Variants in APLF observed in about 807,000 individuals in gnomAD.
APLF encodes the protein aprataxin and PNK-like factor.
Under a neutral mutation model 55.6 loss-of-function variants are expected in APLF, and 61 were observed. That is an observed-to-expected ratio of 1.10 (90% CI 0.89 to 1.36). The LOEUF is 1.36. Ranked by LOEUF, APLF falls within the 40% of genes most tolerant of loss-of-function variation. APLF has a pLI of 0.00. For missense variants in APLF, 611 were observed against 602.5 expected (o/e 1.01, Z -0.15); for synonymous variants, 207 against 214.8 (o/e 0.96, Z 0.32).
At chr2:68,496,445 G>A (rs1485868266) in intron 2 of APLF, among the ~76,000 whole-genome samples, 2 of 152,022 alleles carry the variant, frequency 1.3e-5, no homozygotes, top group African/African-American at 4.8e-5. Context: ...TCTAGCAAGT[G>A]GTTGCTTCAC....
chr2:68,500,522 C>T (rs773612819), intron 2 of APLF, among the ~76,000 whole-genome samples: 1 of 152,120 alleles, frequency 6.6e-6, no homozygotes, highest in African/African-American at 2.4e-5. Context: ...CAATGTTATG[C>T]CTTTGTATTT....
At chr2:68,572,083 C>T (rs1198644539) in intron 9 of APLF, among the ~76,000 whole-genome samples, 1 of 139,868 alleles carries the variant, frequency 7.1e-6, no homozygotes, top group African/African-American at 3.2e-5. Flanking sequence ...ACTAAAAGAT[C>T]CAGAAAGAAA....
intron 3 of APLF, among the ~76,000 whole-genome samples, chr2:68,505,165 TC>T (rs1228235088): frequency 3.0e-4 from 45 of 152,066 alleles, no homozygotes; most frequent in African/African-American, 8.7e-4. Context: ...AAAGTACATG[TC>T]TTTTTCTCTT....
chr2:68,533,275 C>A (rs961221326), intron 6 of APLF, among the ~76,000 whole-genome samples: 1 of 152,154 alleles, frequency 6.6e-6, no homozygotes, highest in South Asian at 2.1e-4. Flanking sequence ...TATAAATTTT[C>A]AAGTTTGTGA....
chr2:68,528,500 G>A (rs1167333782), intron 6 of APLF: 4 of 1,533,898 alleles, frequency 2.6e-6, no homozygotes, highest in Non-Finnish European at 2.6e-6. Flanking sequence ...TCTTTTGCGG[G>A]ACCTGTGGCC....
At chr2:68,560,627 A>G (rs1463132033) in intron 8 of APLF, among the ~76,000 whole-genome samples, 1 of 152,124 alleles carries the variant, frequency 6.6e-6, no homozygotes, top group Non-Finnish European at 1.5e-5. Flanking sequence ...GCTCACAAAA[A>G]TCTGATGTGG....
intron 1 of APLF, among the ~76,000 whole-genome samples, chr2:68,486,927 A>G (rs1362459293): frequency 6.6e-6 from 1 of 152,112 alleles, no homozygotes; most frequent in Non-Finnish European, 1.5e-5. Flanking sequence ...AATTTATGCC[A>G]TTTGTCCTAC....
chr2:68,506,699 A>G (rs190435968), intron 3 of APLF, among the ~76,000 whole-genome samples: 36 of 152,112 alleles, frequency 2.4e-4, no homozygotes, highest in Admixed American at 2.0e-3. Flanking sequence ...TCCAGAGTTG[A>G]TGCTCTTACT....
intron 5 of APLF, among the ~76,000 whole-genome samples, chr2:68,519,799 A>G (rs952860931): frequency 1.3e-5 from 2 of 151,494 alleles, no homozygotes; most frequent in Non-Finnish European, 3.0e-5. Context: ...TGTCTTTTTC[A>G]TGTAATGACT....
At chr2:68,477,031 T>C (rs918830341) in intron 1 of APLF, among the ~76,000 whole-genome samples, 2 of 152,206 alleles carry the variant, frequency 1.3e-5, no homozygotes, top group African/African-American at 4.8e-5. Flanking sequence ...TATATGTAGG[T>C]AGTAGTCTAT....
At chr2:68,546,819 T>A (rs986023982) in intron 8 of APLF, among the ~76,000 whole-genome samples, 1 of 151,876 alleles carries the variant, frequency 6.6e-6, no homozygotes, top group Non-Finnish European at 1.5e-5. Context: ...ATATTAAAAA[T>A]TTCCTTTCTG....
chr2:68,489,579 G>T (rs1676291972), intron 1 of APLF, among the ~76,000 whole-genome samples: 2 of 152,206 alleles, frequency 1.3e-5, no homozygotes, highest in Non-Finnish European at 2.9e-5. Flanking sequence ...GAAGCAAATA[G>T]ATATTTTTAA....
In APLF at chr2:68,545,169, T is replaced by C. The variant is rs140821203; in HGVS notation, c.1161-18T>C. 3.8e-4 allele frequency: 613 copies of C among 1,610,852 alleles called. 1 individual carries two copies. The African/African-American group carries it at 7.2e-3, about 19-fold the overall frequency. On this transcript the variant is annotated intron_variant, in intron 7 of 9. Transcript: ENST00000303795. ...ATCCTATTTTTTTTTTCTGACAGTA[T>C]ATTTGTCGCCCTCCTAGGAAGAATC...
At chr2:68,576,483 G>T (rs1361662835) in intron 9 of APLF, among the ~76,000 whole-genome samples, 1 of 151,966 alleles carries the variant, frequency 6.6e-6, no homozygotes, top group Non-Finnish European at 1.5e-5. Flanking sequence ...TTTTAGCCTT[G>T]GCTACCAAGA....
chr2:68,510,235 CA>C (rs1229104641), intron 3 of APLF, among the ~76,000 whole-genome samples: 3 of 151,192 alleles, frequency 2.0e-5, no homozygotes, highest in Admixed American at 6.6e-5. Context: ...TAATAATATA[CA>C]AAAAAAGAAA....
chr2:68,569,127 C>T (rs188975806), intron 9 of APLF, among the ~76,000 whole-genome samples: 1 of 152,206 alleles, frequency 6.6e-6, no homozygotes, highest in African/African-American at 2.4e-5. Flanking sequence ...TGTATTGATT[C>T]ATTTACTCAC....
intron 2 of APLF, among the ~76,000 whole-genome samples, chr2:68,495,019 C>T (rs984084922): frequency 2.6e-5 from 4 of 152,132 alleles, no homozygotes; most frequent in Admixed American, 2.6e-4. Context: ...GAGGTATCCC[C>T]ACCCCCATGA....
intron 8 of APLF, among the ~76,000 whole-genome samples, chr2:68,562,020 A>T (rs1671180856): frequency 6.6e-6 from 1 of 152,082 alleles, no homozygotes; most frequent in Admixed American, 6.6e-5. Flanking sequence ...AGGGGTAAAG[A>T]AAATGTGGTA....
At chr2:68,497,994 A>G (rs1311641207) in intron 2 of APLF, among the ~76,000 whole-genome samples, 1 of 146,562 alleles carries the variant, frequency 6.8e-6, no homozygotes, top group African/African-American at 2.8e-5. Flanking sequence ...CTTGAAATAG[A>G]TTGATGTATT....
Sources: gnomAD v4.1 joint callset for allele counts (sites outside exome capture counted in the v4.1 genomes callset) on GRCh38, gnomAD v4.1.1 for gene constraint, MANE v1.5 for transcripts, NCBI Gene and HGNC (gene_info 2026-07-23, HGNC 2026-07-21) for gene names.